DHRS4L2: variants seen among roughly 807,000 people sequenced by gnomAD.
DHRS4L2 encodes dehydrogenase/reductase SDR family member 4-like 2.
DHRS4L2 carries 22 observed loss-of-function variants against 23.9 expected under a neutral mutation model. The ratio of observed to expected loss-of-function variants is 0.92; its 90% CI spans 0.66 to 1.31. DHRS4L2 has a LOEUF of 1.31. DHRS4L2 is among the 40% of genes most tolerant of loss of function. DHRS4L2 has a pLI of 0.00. For synonymous variants in DHRS4L2, 141 were observed against 123.7 expected (o/e 1.14, Z -0.93); for missense variants, 385 against 303.3 (o/e 1.27, Z -2.00).
intron 6 of DHRS4L2, 124 bp from the exon 7 acceptor site, chr14:24,004,213 G>C: frequency 8.7e-7 from 1 of 1,146,996 alleles, no homozygotes; most frequent in South Asian, 1.7e-5. Flanking sequence ...AGTTTGCAGT[G>C]AGCCAAGATA....
intron 7 of DHRS4L2, chr14:24,004,734 G>A (rs2034540690): frequency 2.6e-6 from 1 of 383,570 alleles, no homozygotes; most frequent in Non-Finnish European, 4.5e-6. Flanking sequence ...CTTGAATAAT[G>A]ACACATGTTT....
intron 1 of DHRS4L2, among the ~76,000 whole-genome samples, chr14:23,971,887 G>A (rs374383754): frequency 2.0e-5 from 3 of 152,136 alleles, no homozygotes; most frequent in Admixed American, 6.5e-5. Context: ...ATACGAAATT[G>A]TAAAGACCAT....
chr14:23,970,363 G>A (rs747609515), intron 1 of DHRS4L2: 9 of 409,978 alleles, frequency 2.2e-5, no homozygotes, highest in Non-Finnish European at 3.9e-5. Flanking sequence ...GGGGGCGGGG[G>A]GCCGAAACTG....
At chr14:23,996,353 AGT>A (rs1358686556) in intron 3 of DHRS4L2, among the ~76,000 whole-genome samples, 1 of 151,462 alleles carries the variant, frequency 6.6e-6, no homozygotes, top group Non-Finnish European at 1.5e-5. Flanking sequence ...TTTATTTACC[AGT>A]GTTTCATACA....
intron 2 of DHRS4L2, 100 bp downstream of exon 2, chr14:23,990,459 G>C: frequency 1.4e-6 from 2 of 1,453,310 alleles, no homozygotes; most frequent in Non-Finnish European, 1.8e-6. Context: ...TTTTTACTGT[G>C]TGCCTTTCTA....
intron 1 of DHRS4L2, among the ~76,000 whole-genome samples, chr14:23,973,469 G>A (rs2033905804): frequency 6.6e-6 from 1 of 151,968 alleles, no homozygotes; most frequent in Non-Finnish European, 1.5e-5. Flanking sequence ...CCTCAAGCGT[G>A]GCCAGAGTGG....
chr14:23,977,522 C>G (rs141977159), intron 1 of DHRS4L2, among the ~76,000 whole-genome samples: 2,376 of 149,258 alleles, frequency 0.016, 91 homozygotes, highest in African/African-American at 0.057. Flanking sequence ...ATTCACTTTA[C>G]GGGGAAAAAT....
Position 24,001,399 on chromosome 14 carries a change from A to C in DHRS4L2, c.547A>C (p.Asn183His), listed in dbSNP as rs1267310564. Residue 183 changes from asparagine to histidine, a missense_variant, in exon 6 of 8, where the codon AAT becomes CAT. Transcript: ENST00000335125. Reference protein sequence around the residue: ...FSPSPGFSPYNVSKTALLGLN... With the variant: ...FSPSPGFSPYHVSKTALLGLN... ...CTTTCTCCAGGGCTTCAGTCCTTAC[A>C]ATGTCAGTAAAACAGCCTTGCTGGG... 6.2e-7 allele frequency: 1 copy of C among 1,607,434 alleles called. No homozygotes were observed.
At chr14:23,988,686 A>G, upstream of DHRS4L2, 1 of 937,024 alleles carries the variant, frequency 1.1e-6, no homozygotes, top group South Asian at 2.9e-5. Context: ...GGGAGGGGCG[A>G]GCCCTACAGG....
chr14:23,980,663 T>G (rs2034035018), intron 1 of DHRS4L2, among the ~76,000 whole-genome samples: 1 of 150,012 alleles, frequency 6.7e-6, no homozygotes, highest in South Asian at 2.1e-4. Context: ...AGCAAATCAA[T>G]AAACATAGTC....
intron 1 of DHRS4L2, among the ~76,000 whole-genome samples, chr14:23,972,222 G>T (rs2033872568): frequency 6.6e-6 from 1 of 152,030 alleles, no homozygotes; most frequent in Non-Finnish European, 1.5e-5. Context: ...AGCGTGTCTG[G>T]AGTTTGTTCC....
rs1038163720 is a variant in DHRS4L2 at position 23,990,754 on chromosome 14, T to C, written c.306+395T>C. ...CCCACCATGTTTCAGCCACTTACTA[T>C]GTGCCATTTCCTGTGTTCAGAGCCT... On this transcript the variant is annotated intron_variant, in intron 2 of 7. Coordinates refer to ENST00000335125, the MANE Select transcript of DHRS4L2 (RefSeq NM_198083.4). 6.1e-4 allele frequency: 406 copies of C among 663,222 alleles called. 4 individuals carry two copies. The highest frequency in any genetic ancestry group is 7.4e-4 in the Non-Finnish European group (383 of 520,766). 41.1% of individuals were successfully genotyped at this position (663,222 alleles called of 1,614,324 possible).
intron 3 of DHRS4L2, among the ~76,000 whole-genome samples, chr14:23,996,502 A>C (rs1370554816): frequency 1.3e-5 from 2 of 150,830 alleles, no homozygotes; most frequent in Non-Finnish European, 3.0e-5. Flanking sequence ...AATGACAACA[A>C]AACCTTCCTT....
chr14:23,974,142 A>G (rs1156447627), intron 1 of DHRS4L2, among the ~76,000 whole-genome samples: 7 of 151,870 alleles, frequency 4.6e-5, no homozygotes, highest in Admixed American at 3.9e-4. Flanking sequence ...CTGCTCCTGA[A>G]TGACTACTAG....
intron 6 of DHRS4L2, 60 bp downstream of exon 6, chr14:24,001,577 A>G: frequency 6.3e-7 from 1 of 1,579,622 alleles, no homozygotes; most frequent in Non-Finnish European, 8.6e-7. Context: ...ATCTTCTTGG[A>G]CAGGGAAGCC....
At chr14:23,971,313 CT>C (rs1269457071) in intron 1 of DHRS4L2, among the ~76,000 whole-genome samples, 5 of 151,926 alleles carry the variant, frequency 3.3e-5, no homozygotes, top group African/African-American at 1.2e-4. Context: ...CTTAAATGAC[CT>C]GATGGAGCTG....
rs2034574887 is a variant in DHRS4L2 at position 24,006,169 on chromosome 14, T to C, written c.*306T>C. 16 of 1,334,188 alleles carry C rather than the reference T, an allele frequency of 1.2e-5. No homozygotes were observed. The highest frequency in any genetic ancestry group is 1.5e-5 in the African/African-American group (1 of 66,218). The allele number at this position is 1,334,188 out of a possible 1,614,324, so 82.6% of individuals were successfully genotyped here. ...CCCTGCCGTCAAGGTGGCGTCTTAC[T>C]CGGGATTCCTGCTGTTGTTGTGGCC... On this transcript the variant is annotated 3_prime_UTR_variant, in exon 8 of 8. Transcript: ENST00000335125.
At chr14:23,998,043 G>C (rs1216506073) in intron 3 of DHRS4L2, among the ~76,000 whole-genome samples, 1 of 151,884 alleles carries the variant, frequency 6.6e-6, no homozygotes, top group East Asian at 1.9e-4. Flanking sequence ...TGTTGTGTTA[G>C]CAGGCATGAA....
upstream of DHRS4L2, chr14:23,987,376 G>A (rs576882963): frequency 6.6e-5 from 13 of 198,090 alleles, no homozygotes; most frequent in Admixed American, 4.4e-4. Context: ...TGATCCGCCC[G>A]CCTCGGCCTC....
Sources: allele counts gnomAD v4.1 joint callset (sites outside exome capture counted in the v4.1 genomes callset), GRCh38; gene constraint gnomAD v4.1.1; transcripts MANE v1.5; gene names NCBI Gene and HGNC (gene_info 2026-07-23, HGNC 2026-07-21).